SEMA3A: variants seen among roughly 807,000 people sequenced by gnomAD.
SEMA3A encodes semaphorin 3A.
A neutral mutation model predicts 97.9 loss-of-function variants in SEMA3A; 29 were observed. That is an observed-to-expected ratio of 0.30 (90% CI 0.22 to 0.40). The LOEUF is 0.40. Ranked by LOEUF, SEMA3A falls within the 10% of genes least tolerant of loss-of-function variation. The pLI is 1.00. For missense variants in SEMA3A, 763 were observed against 951.3 expected, an observed-to-expected ratio of 0.80 and a Z score of 2.60; for synonymous variants, 321 against 323.7, an observed-to-expected ratio of 0.99 and a Z score of 0.09.
intron 1 of SEMA3A, among the ~76,000 whole-genome samples, chr7:84,411,927 T>C (rs1804280030): frequency 1.3e-5 from 2 of 152,182 alleles, no homozygotes; most frequent in African/African-American, 4.8e-5. Flanking sequence ...TCTCTCTCCA[T>C]TATTCCATTC....
chr7:84,110,266 C>G lies in SEMA3A; in HGVS notation c.453+204G>C, dbSNP rs2301891. Reference sequence around the variant, plus strand: ...GTGAAAACAAATGCTTTCTTCCTTCCTTCCTCCTGCTCCCTAGTTTTTGTT... The same window carrying G: ...GTGAAAACAAATGCTTTCTTCCTTCGTTCCTCCTGCTCCCTAGTTTTTGTT... On this transcript the variant is annotated intron_variant, in intron 4 of 16. Coordinates refer to ENST00000265362, the MANE Select transcript of SEMA3A (RefSeq NM_006080.3). Among the ~76,000 whole-genome samples the G allele has an allele frequency of 0.48, 73,421 of 151,996 alleles. 19,040 individuals carry two copies. The highest frequency in any genetic ancestry group is 0.69 in the East Asian group (3,565 of 5,172).
rs868021962 is a variant in SEMA3A, at chr7:84,424,554, T to A, written c.-245-52654A>T. 1.2e-3 allele frequency among the ~76,000 whole-genome samples: 92 copies of A among 76,706 alleles called. 3 individuals carry two copies. The highest frequency in any genetic ancestry group is 0.011 in the Middle Eastern group (1 of 92). 50.3% of individuals were successfully genotyped at this position (76,706 alleles called of 152,430 possible). A position where few individuals can be genotyped will look rare whatever the true frequency, so the allele number is the denominator to read the frequency against. On this transcript the variant is annotated intron_variant, in intron 1 of 3. Coordinates refer to the SEMA3A transcript ENST00000424555. ...ATAATATATAAATATTAATATATAT[T>A]ATATATAATATATAAATATTAATAT...
intron 6 of SEMA3A, among the ~76,000 whole-genome samples, chr7:84,028,317 A>T (rs17158521): frequency 0.1 from 15,358 of 152,230 alleles, 1,127 homozygotes; most frequent in African/African-American, 0.2. Context: ...AGGTGAACTT[A>T]GGTGAATATG....
At chr7:84,445,135 C>T (rs550907471) in intron 1 of SEMA3A, among the ~76,000 whole-genome samples, 2 of 152,022 alleles carry the variant, frequency 1.3e-5, no homozygotes, top group Non-Finnish European at 1.5e-5. Context: ...AAATAATATG[C>T]ATTTTCCATG....
intron 15 of SEMA3A, among the ~76,000 whole-genome samples, chr7:83,971,430 C>CA (rs58083024): frequency 0.11 from 14,326 of 132,662 alleles, 801 homozygotes; most frequent in Non-Finnish European, 0.15. Flanking sequence ...GAAACTCCAT[C>CA]AAAAAAAAAA....
chr7:84,157,307 T>C (rs1796873781), intron 1 of SEMA3A, among the ~76,000 whole-genome samples: 1 of 152,196 alleles, frequency 6.6e-6, no homozygotes, highest in Admixed American at 6.5e-5. Context: ...TTCCATGCTG[T>C]AAAATGACTA....
At chr7:84,247,207 T>C (rs1799494449) in intron 3 of SEMA3A, among the ~76,000 whole-genome samples, 1 of 152,164 alleles carries the variant, frequency 6.6e-6, no homozygotes. Flanking sequence ...GTTATGTAGG[T>C]GAATTAGTTT....
intron 4 of SEMA3A, among the ~76,000 whole-genome samples, chr7:84,106,993 T>C (rs1795128206): frequency 6.6e-6 from 1 of 152,160 alleles, no homozygotes; most frequent in African/African-American, 2.4e-5. Context: ...GGGCAGGTAA[T>C]AGCAAAGTAC....
intron 3 of SEMA3A, among the ~76,000 whole-genome samples, chr7:84,292,282 T>A (rs1270564793): frequency 6.6e-6 from 1 of 152,074 alleles, no homozygotes; most frequent in Non-Finnish European, 1.5e-5. Context: ...CAGTGCTTAT[T>A]TGTAAGGAAA....
chr7:84,289,971 G>C (rs1800699927), intron 3 of SEMA3A, among the ~76,000 whole-genome samples: 1 of 152,056 alleles, frequency 6.6e-6, no homozygotes, highest in African/African-American at 2.4e-5. Context: ...TGCTAAAATT[G>C]AATGAACTTT....
intron 2 of SEMA3A, among the ~76,000 whole-genome samples, chr7:84,346,131 C>T (rs1250515613): frequency 6.6e-6 from 1 of 152,166 alleles, no homozygotes; most frequent in African/African-American, 2.4e-5. Flanking sequence ...TGTAAACCAA[C>T]CTCTACTAGC....
chr7:83,965,287 A>G (rs1401020693), intron 15 of SEMA3A, among the ~76,000 whole-genome samples: 1 of 151,806 alleles, frequency 6.6e-6, no homozygotes, highest in Non-Finnish European at 1.5e-5. Context: ...GAGACCTTTC[A>G]TTCAATCTCT....
intron 1 of SEMA3A, among the ~76,000 whole-genome samples, chr7:84,193,214 A>C (rs1394595161): frequency 6.6e-6 from 1 of 151,992 alleles, no homozygotes; most frequent in Non-Finnish European, 1.5e-5. Context: ...GAAACACATT[A>C]CTAGGTGTTT....
At chr7:84,345,724 T>A (rs1391530372) in intron 2 of SEMA3A, among the ~76,000 whole-genome samples, 1 of 152,190 alleles carries the variant, frequency 6.6e-6, no homozygotes, top group Non-Finnish European at 1.5e-5. Flanking sequence ...CTACTTCTAA[T>A]TCTACTTCTC....
chr7:84,075,405 C>T (rs1413002944), intron 4 of SEMA3A, among the ~76,000 whole-genome samples: 4 of 151,208 alleles, frequency 2.6e-5, no homozygotes, highest in South Asian at 2.1e-4. Context: ...GTGATCCACC[C>T]GCCTCGGCCT....
intron 3 of SEMA3A, among the ~76,000 whole-genome samples, chr7:84,214,051 G>A (rs1401593036): frequency 6.6e-6 from 1 of 152,140 alleles, no homozygotes; most frequent in Non-Finnish European, 1.5e-5. Flanking sequence ...TGTACCTTAA[G>A]AATAAACATT....
chr7:84,359,974 C>T (rs529020583), intron 2 of SEMA3A, among the ~76,000 whole-genome samples: 78 of 149,460 alleles, frequency 5.2e-4, no homozygotes, highest in Middle Eastern at 3.4e-3. Context: ...TCTGTGGGAT[C>T]GGCGGTGATA....
chr7:84,403,600 A>C (rs1803971934), intron 1 of SEMA3A, among the ~76,000 whole-genome samples: 1 of 152,152 alleles, frequency 6.6e-6, no homozygotes, highest in South Asian at 2.1e-4. Flanking sequence ...CTGCCTCCTC[A>C]AGTGGGTCCC....
At chr7:84,415,764 T>C (rs1804416489) in intron 1 of SEMA3A, among the ~76,000 whole-genome samples, 2 of 152,094 alleles carry the variant, frequency 1.3e-5, no homozygotes, top group Non-Finnish European at 2.9e-5. Context: ...TTTGCTTCTA[T>C]ATGTGTCCTG....
Sources: gnomAD v4.1 joint callset for allele counts (sites outside exome capture counted in the v4.1 genomes callset) on GRCh38, gnomAD v4.1.1 for gene constraint, MANE v1.5 for transcripts, NCBI Gene and HGNC (gene_info 2026-07-23, HGNC 2026-07-21) for gene names.